RBM20: variants seen among roughly 807,000 people sequenced by gnomAD.
RBM20 encodes the protein RNA binding motif protein 20.
In RBM20, 51 loss-of-function variants were observed where a neutral mutation model predicts 110.1. The ratio of observed to expected loss-of-function variants is 0.46; its 90% CI spans 0.37 to 0.59. The LOEUF is 0.59. RBM20 is among the 20% of genes least tolerant of loss of function. RBM20 has a pLI of 0.00. For missense variants in RBM20, 1,512 were observed against 1,574.9 expected, an observed-to-expected ratio of 0.96 and a Z score of 0.68; for synonymous variants, 589 against 618.2, an observed-to-expected ratio of 0.95 and a Z score of 0.70.
intron 9 of RBM20, among the ~76,000 whole-genome samples, chr10:110,819,486 TCAGTTTCA>T (rs2135117777): frequency 6.6e-6 from 1 of 152,314 alleles, no homozygotes; most frequent in East Asian, 1.9e-4. Flanking sequence ...TTTCAATTGT[TCAGTTTCA>T]CAGACATGCG....
In RBM20 at chr10:110,699,351, G is replaced by A. The variant is rs1356042224; in HGVS notation, c.191+54706G>A. Among the ~76,000 whole-genome samples, 8 of 146,080 alleles carry A rather than the reference G, an allele frequency of 5.5e-5. No homozygotes were observed. The South Asian group carries it at 1.1e-3, about 19-fold the overall frequency. ...TGGTGCAATCTCGGCTCACTGCAAT[G>A]TTTGCCTCCTCCTGGGTTCAAGTGA... On this transcript the variant is annotated intron_variant, in intron 1 of 13. Transcript: ENST00000369519.
chr10:110,740,204 A>T (rs148068823), intron 1 of RBM20, among the ~76,000 whole-genome samples: 40 of 152,288 alleles, frequency 2.6e-4, no homozygotes, highest in African/African-American at 9.6e-4. Context: ...TGGCTTGGGT[A>T]TGTGTTTGAT....
intron 1 of RBM20, among the ~76,000 whole-genome samples, chr10:110,704,943 T>C (rs1299833675): frequency 6.6e-6 from 1 of 152,236 alleles, no homozygotes; most frequent in Non-Finnish European, 1.5e-5. Flanking sequence ...TTTCATGGAA[T>C]ATTATATGTT....
chr10:110,811,687 T>TA (rs1844769182), intron 8 of RBM20, among the ~76,000 whole-genome samples: 1 of 152,194 alleles, frequency 6.6e-6, no homozygotes, highest in Non-Finnish European at 1.5e-5. Context: ...TTCTTTTTTT[T>TA]AACCTCTGAG....
chr10:110,679,511 G>A (rs1320125524), intron 1 of RBM20, among the ~76,000 whole-genome samples: 7 of 152,242 alleles, frequency 4.6e-5, no homozygotes, highest in South Asian at 2.1e-4. Context: ...ATGAGCCACC[G>A]TGCCCAGCCT....
Position 110,821,569 on chromosome 10 carries a change from C to T in RBM20, c.2950C>T (p.Leu984=), listed in dbSNP as rs1334519140. 3 of 1,550,862 alleles carry T rather than the reference C, an allele frequency of 1.9e-6. No homozygotes were observed. The highest frequency in any genetic ancestry group is 2.0e-5 in the Admixed American group (1 of 50,980). The change falls in exon 11 of 14, where the codon CTG becomes TTG. Residue 984 remains leucine, a synonymous_variant. Coordinates refer to ENST00000369519, the MANE Select transcript of RBM20 (RefSeq NM_001134363.3). The part of the protein sequence containing the change: ...AEISLKSPRE[L]PSASTSCPSD... Reference sequence around the variant, plus strand: ...AATCAGCCTCAAGTCACCCAGAGAACTGCCCTCTGCTTCCACAAGCTGTCC... The same window carrying T: ...AATCAGCCTCAAGTCACCCAGAGAATTGCCCTCTGCTTCCACAAGCTGTCC...
At chr10:110,771,906 C>T (rs1353914172) in intron 1 of RBM20, among the ~76,000 whole-genome samples, 1 of 152,132 alleles carries the variant, frequency 6.6e-6, no homozygotes, top group African/African-American at 2.4e-5. Context: ...CTTAGAGAAA[C>T]CAAATGCTTT....
chr10:110,710,741 C>G (rs73356905), intron 1 of RBM20, among the ~76,000 whole-genome samples: 3,782 of 152,276 alleles, frequency 0.025, 140 homozygotes, highest in African/African-American at 0.082. Flanking sequence ...TAGACACGTG[C>G]GTCATCAGGA....
intron 1 of RBM20, among the ~76,000 whole-genome samples, chr10:110,733,667 G>A (rs1366176471): frequency 6.6e-6 from 1 of 152,132 alleles, no homozygotes; most frequent in African/African-American, 2.4e-5. Context: ...TATTGGCTTC[G>A]CTCTGGCCAC....
intron 9 of RBM20, among the ~76,000 whole-genome samples, chr10:110,814,975 C>G (rs2135110092): frequency 6.6e-6 from 1 of 152,260 alleles, no homozygotes; most frequent in East Asian, 1.9e-4. Flanking sequence ...TTATTCAACT[C>G]ATTAATTAAT....
At chr10:110,770,432 C>A (rs1304016627) in intron 1 of RBM20, among the ~76,000 whole-genome samples, 1 of 152,164 alleles carries the variant, frequency 6.6e-6, no homozygotes, top group Non-Finnish European at 1.5e-5. Flanking sequence ...CTGACCCTCC[C>A]ATTTCACAGA....
rs923993519 is a variant in RBM20, at chr10:110,744,372, A to C, written c.192-36429A>C. Among the ~76,000 whole-genome samples, 6 of 152,256 alleles carry C rather than the reference A, an allele frequency of 3.9e-5. No homozygotes were observed. The East Asian group carries it at 1.2e-3, about 29-fold the overall frequency. ...GACTGGGAGCTGTAGTTTCACCAGC[A>C]CCGGGCTGATGCTTGTGGCTGGGAA... On this transcript the variant is annotated intron_variant, in intron 1 of 13. Coordinates refer to ENST00000369519, the MANE Select transcript of RBM20 (RefSeq NM_001134363.3).
At chr10:110,793,286 T>C (rs1027839056) in intron 5 of RBM20, among the ~76,000 whole-genome samples, 4 of 152,178 alleles carry the variant, frequency 2.6e-5, no homozygotes, top group Non-Finnish European at 5.9e-5. Flanking sequence ...TCGCCTTTCA[T>C]TATTTACTTC....
chr10:110,728,575 T>C (rs1477809477), intron 1 of RBM20, among the ~76,000 whole-genome samples: 1 of 152,196 alleles, frequency 6.6e-6, no homozygotes, highest in Non-Finnish European at 1.5e-5. Context: ...TCTGTAATTA[T>C]GTCTGTGGTC....
chr10:110,670,096 A>AT (rs1294018851), intron 1 of RBM20, among the ~76,000 whole-genome samples: 1 of 151,170 alleles, frequency 6.6e-6, no homozygotes, highest in Admixed American at 6.6e-5. Context: ...TTGAAGAGTG[A>AT]TTTTTTTAGA....
At chr10:110,814,926 ACT>A (rs1343724288) in intron 9 of RBM20, among the ~76,000 whole-genome samples, 1 of 152,140 alleles carries the variant, frequency 6.6e-6, no homozygotes, top group Non-Finnish European at 1.5e-5. Context: ...TAAAATCATG[ACT>A]CTGATGCACA....
intron 6 of RBM20, 32 bp downstream of exon 6, chr10:110,797,680 T>A: frequency 6.5e-7 from 1 of 1,545,174 alleles, no homozygotes; most frequent in South Asian, 1.2e-5. Flanking sequence ...CCAGTGTATA[T>A]GCCACAGACC....
chr10:110,831,246 T>G (rs1191081886), intron 13 of RBM20, 64 bp downstream of exon 13: 7 of 1,518,246 alleles, frequency 4.6e-6, no homozygotes, highest in Non-Finnish European at 6.2e-6. Flanking sequence ...CCGAGCCAGG[T>G]GTCTGGCGTC....
At chr10:110,712,767 C>A (rs1404407472) in intron 1 of RBM20, among the ~76,000 whole-genome samples, 1 of 152,114 alleles carries the variant, frequency 6.6e-6, no homozygotes, top group Non-Finnish European at 1.5e-5. Flanking sequence ...ATTCTGTGCC[C>A]TGCCCCCAAA....
Sources: allele counts gnomAD v4.1 joint callset (sites outside exome capture counted in the v4.1 genomes callset), GRCh38; gene constraint gnomAD v4.1.1; transcripts MANE v1.5; gene names NCBI Gene and HGNC (gene_info 2026-07-23, HGNC 2026-07-21).